Variants in AGBL4 observed in about 807,000 individuals in gnomAD.
The protein encoded by AGBL4 is AGBL carboxypeptidase 4.
Under a neutral mutation model 66.4 loss-of-function variants are expected in AGBL4, and 58 were observed. The observed-to-expected ratio is 0.87, with a 90% confidence interval of 0.71 to 1.09. The LOEUF is 1.09. Ranked by LOEUF, AGBL4 falls within the 50% of genes least tolerant of loss-of-function variation. The pLI, the probability that AGBL4 is intolerant of heterozygous loss-of-function variation, is 0.00. For synonymous variants in AGBL4, 234 were observed against 222.9 expected (o/e 1.05, Z -0.44); for missense variants, 579 against 631.0 (o/e 0.92, Z 0.88).
chr1:49,689,157 C>T (rs953281939), intron 3 of AGBL4, among the ~76,000 whole-genome samples: 4 of 152,114 alleles, frequency 2.6e-5, no homozygotes, highest in African/African-American at 9.7e-5. Flanking sequence ...CACGCCAATG[C>T]CCTGGAGAGT....
chr1:49,360,674 G>GC (rs1644117629), intron 3 of AGBL4, among the ~76,000 whole-genome samples: 2 of 152,206 alleles, frequency 1.3e-5, no homozygotes, highest in South Asian at 4.1e-4. Flanking sequence ...TCAGAGGAAA[G>GC]CCCACTTCTC....
intron 4 of AGBL4, among the ~76,000 whole-genome samples, chr1:49,089,714 GGGA>G (rs1433913913): frequency 6.6e-6 from 1 of 151,950 alleles, no homozygotes; most frequent in East Asian, 1.9e-4. Context: ...CAAAAAATTG[GGGA>G]GGAAGGACTC....
At chr1:49,078,004 T>G (rs1352169969) in intron 4 of AGBL4, among the ~76,000 whole-genome samples, 1 of 152,134 alleles carries the variant, frequency 6.6e-6, no homozygotes, top group Admixed American at 6.6e-5. Flanking sequence ...AAAAACCAGG[T>G]TTGAAGAGGT....
At chr1:49,524,061 C>T (rs951041898) in intron 3 of AGBL4, among the ~76,000 whole-genome samples, 1 of 151,938 alleles carries the variant, frequency 6.6e-6, no homozygotes, top group Admixed American at 6.5e-5. Context: ...GTCATTTAAC[C>T]CTAACACAAA....
At chr1:49,550,989 G>A (rs969857431) in intron 3 of AGBL4, among the ~76,000 whole-genome samples, 3 of 151,882 alleles carry the variant, frequency 2.0e-5, no homozygotes, top group Admixed American at 6.6e-5. Flanking sequence ...GACTTTGTTC[G>A]GATTTTCTTA....
At chr1:49,915,959 T>C (rs1008034385) in intron 1 of AGBL4, among the ~76,000 whole-genome samples, 2 of 152,148 alleles carry the variant, frequency 1.3e-5, no homozygotes, top group African/African-American at 4.8e-5. Flanking sequence ...CCGCTGCTGA[T>C]ACCCAGGCAA....
intron 6 of AGBL4, chr1:48,776,631 G>C: frequency 6.8e-7 from 1 of 1,477,242 alleles, no homozygotes; most frequent in African/African-American, 1.5e-5. Context: ...TCTGGGCCTT[G>C]TGGAGCAACA....
At chr1:49,075,302 C>T (rs893620830) in intron 4 of AGBL4, among the ~76,000 whole-genome samples, 5 of 152,092 alleles carry the variant, frequency 3.3e-5, no homozygotes, top group African/African-American at 1.2e-4. Context: ...TAGTAGAAAT[C>T]AATGCATGCC....
intron 11 of AGBL4, among the ~76,000 whole-genome samples, chr1:48,577,908 G>T (rs1644679298): frequency 6.6e-6 from 1 of 152,166 alleles, no homozygotes; most frequent in South Asian, 2.1e-4. Context: ...GAGCAGGGAG[G>T]AAGGTTAGAT....
chr1:49,854,168 A>G (rs1179066748), intron 1 of AGBL4, among the ~76,000 whole-genome samples: 1 of 52,812 alleles, frequency 1.9e-5, no homozygotes, highest in Non-Finnish European at 3.6e-5. Flanking sequence ...GGATGACTAT[A>G]GGTGCCTGAC....
intron 3 of AGBL4, among the ~76,000 whole-genome samples, chr1:49,302,557 C>CATTTT (rs1416527565): frequency 2.0e-5 from 3 of 149,534 alleles, no homozygotes; most frequent in East Asian, 2.0e-4. Context: ...GCCCAGCCCA[C>CATTTT]ATTTTATTTT....
chr1:49,101,962 C>A (rs1451049115), intron 4 of AGBL4, among the ~76,000 whole-genome samples: 1 of 151,826 alleles, frequency 6.6e-6, no homozygotes, highest in Non-Finnish European at 1.5e-5. Context: ...TGATATAGAT[C>A]ATAGACAAGA....
chr1:48,976,854 C>T (rs1659379335), intron 5 of AGBL4, among the ~76,000 whole-genome samples: 1 of 151,944 alleles, frequency 6.6e-6, no homozygotes, highest in Middle Eastern at 3.2e-3. Context: ...CCTAAAGTTG[C>T]AACACTCTTT....
intron 3 of AGBL4, among the ~76,000 whole-genome samples, chr1:49,500,384 A>G (rs891706066): frequency 9.6e-5 from 14 of 145,202 alleles, no homozygotes; most frequent in African/African-American, 3.5e-4. Flanking sequence ...TTTTAGTTTA[A>G]TTAGGTCCCA....
intron 4 of AGBL4, among the ~76,000 whole-genome samples, chr1:49,146,648 C>T (rs780440909): frequency 1.3e-5 from 2 of 152,174 alleles, no homozygotes; most frequent in Non-Finnish European, 2.9e-5. Flanking sequence ...GTGACTGTCT[C>T]ATTTCATCAG....
intron 5 of AGBL4, among the ~76,000 whole-genome samples, chr1:48,902,305 C>T (rs1652163264): frequency 6.6e-6 from 1 of 151,946 alleles, no homozygotes; most frequent in African/African-American, 2.4e-5. Context: ...AAACCATAAA[C>T]TAGATGTTAT....
Position 48,587,088 on chromosome 1 carries a change from A to G in AGBL4, c.1183T>C (p.Ser395Pro), listed in dbSNP as rs773248100. 7 of 1,597,560 alleles carry G rather than the reference A, an allele frequency of 4.4e-6. No homozygotes were observed. The Admixed American group carries it at 7.0e-5, about 16-fold the overall frequency. Residue 395 changes from serine to proline, a missense_variant, in exon 11 of 14, where the codon TCC becomes CCC. Physicochemically the swap from Ser to Pro is moderately conservative, Grantham distance 74. Coordinates refer to ENST00000371839, the MANE Select transcript of AGBL4 (RefSeq NM_032785.4). ...GAGACCTCTAGGGTGTAGCAATAGG[A>G]AGTGTGGTCCAGGAGTCCACCGAGG... Reference protein sequence around the residue: ...RFLGGLLDHTSYCYTLEVSFY... With the variant: ...RFLGGLLDHTPYCYTLEVSFY...
At chr1:49,207,542 T>TTTCCTTTCTTTCTTTC (rs1217267952) in intron 4 of AGBL4, among the ~76,000 whole-genome samples, 21 of 78,030 alleles carry the variant, frequency 2.7e-4, no homozygotes, top group Non-Finnish European at 4.3e-4. Flanking sequence ...TTTTTCTTTC[T>TTTCCTTTCTTTCTTTC]TTTCTTTCTT....
intron 13 of AGBL4, 25 bp downstream of exon 13, chr1:48,534,865 A>C: frequency 6.4e-7 from 1 of 1,550,634 alleles, no homozygotes. Flanking sequence ...CTTACGGGCA[A>C]TGTCATCTTG....
Sources: gnomAD v4.1 joint callset for allele counts (sites outside exome capture counted in the v4.1 genomes callset) on GRCh38, gnomAD v4.1.1 for gene constraint, MANE v1.5 for transcripts, NCBI Gene and HGNC (gene_info 2026-07-23, HGNC 2026-07-21) for gene names.